Variants in PACRG observed in about 807,000 individuals in gnomAD.
PACRG encodes the protein parkin coregulated.
In PACRG, 29 loss-of-function variants were observed where a neutral mutation model predicts 29.7. The ratio of observed to expected loss-of-function variants is 0.98; its 90% CI spans 0.73 to 1.33. PACRG has a LOEUF of 1.33. Among genes scored for constraint, PACRG ranks in the 40% most tolerant of loss-of-function variants. PACRG has a pLI of 0.00. For missense variants in PACRG, 279 were observed against 316.2 expected, an observed-to-expected ratio of 0.88 and a Z score of 0.89; for synonymous variants, 116 against 118.7, an observed-to-expected ratio of 0.98 and a Z score of 0.15.
rs1280807150 is a variant in PACRG at position 163,000,473 on chromosome 6, C to T, written c.292-61677C>T. On this transcript the variant is annotated intron_variant, in intron 2 of 4. Coordinates refer to ENST00000366888, the MANE Select transcript of PACRG (RefSeq NM_001080379.2). Reference sequence around the variant, plus strand: ...CTGTGTGGTCCAAAGGGGTCCCTGTCGCTCCAAACAGAAGAGAGTGTGGTG... The same window carrying T: ...CTGTGTGGTCCAAAGGGGTCCCTGTTGCTCCAAACAGAAGAGAGTGTGGTG... Among the ~76,000 whole-genome samples, 6 of 152,212 alleles carry T rather than the reference C, an allele frequency of 3.9e-5. No homozygotes were observed. In the South Asian group the frequency reaches 8.3e-4, roughly 21 times the overall value.
chr6:162,771,807 T>C (rs1783243384), intron 1 of PACRG, among the ~76,000 whole-genome samples: 1 of 152,186 alleles, frequency 6.6e-6, no homozygotes, highest in Non-Finnish European at 1.5e-5. Flanking sequence ...TTCCATTTAT[T>C]ATTCTGTTAA....
intron 2 of PACRG, among the ~76,000 whole-genome samples, chr6:162,920,444 C>T (rs189844643): frequency 3.9e-5 from 6 of 152,352 alleles, no homozygotes; most frequent in Admixed American, 3.3e-4. Flanking sequence ...AGCACCTCCC[C>T]TCTTCCTCTG....
chr6:162,747,367 C>CGT (rs1781108587), intron 1 of PACRG, among the ~76,000 whole-genome samples: 2 of 47,860 alleles, frequency 4.2e-5, no homozygotes, highest in South Asian at 2.3e-3. Context: ...TATATATACA[C>CGT]ATACATATAT....
At chr6:162,791,192 T>C (rs956731481) in intron 1 of PACRG, among the ~76,000 whole-genome samples, 2 of 152,192 alleles carry the variant, frequency 1.3e-5, no homozygotes, top group Non-Finnish European at 2.9e-5. Flanking sequence ...CCCTATTACA[T>C]AGATACTTAA....
intron 1 of PACRG, among the ~76,000 whole-genome samples, chr6:162,801,443 A>T (rs1426776011): frequency 6.6e-6 from 1 of 152,000 alleles, no homozygotes; most frequent in African/African-American, 2.4e-5. Context: ...TACTGATAGC[A>T]TTGCATCTTT....
intron 4 of PACRG, among the ~76,000 whole-genome samples, chr6:163,141,742 A>G (rs1240193357): frequency 6.6e-6 from 1 of 152,164 alleles, no homozygotes; most frequent in Non-Finnish European, 1.5e-5. Flanking sequence ...AAATGACGTA[A>G]AAATCATGAT....
chr6:162,917,338 T>G (rs754104686), intron 2 of PACRG, among the ~76,000 whole-genome samples: 2 of 152,122 alleles, frequency 1.3e-5, no homozygotes, highest in Non-Finnish European at 2.9e-5. Flanking sequence ...CCATCCTTAG[T>G]GCATTTTGCC....
At position 162,736,454 on chromosome 6, in the gene PACRG, G is replaced by A. The variant is rs143923239; in HGVS notation, c.156+8063G>A. Among the ~76,000 whole-genome samples the A allele has an allele frequency of 3.3e-3, 507 of 152,228 alleles. 3 individuals carry two copies. Among genetic ancestry groups the A allele is most frequent in the African/African-American group, 0.011 (476 of 41,524 alleles). ...ATGGGAGCAAGATAGCTGCGTTTTT[G>A]TAGTTGGCAGGGAGAAAATGTGTAA... On this transcript the variant is annotated intron_variant, in intron 1 of 4. Transcript: ENST00000366888.
intron 4 of PACRG, among the ~76,000 whole-genome samples, chr6:163,163,314 C>G (rs1015854695): frequency 6.6e-6 from 1 of 152,200 alleles, no homozygotes; most frequent in African/African-American, 2.4e-5. Flanking sequence ...CTCTGTCACT[C>G]AGGCTGGAGT....
chr6:163,180,187 A>G (rs538316234), intron 4 of PACRG, among the ~76,000 whole-genome samples: 1 of 152,304 alleles, frequency 6.6e-6, no homozygotes, highest in South Asian at 2.1e-4. Context: ...GCTTTGTGCT[A>G]GAGATTCTGG....
intron 2 of PACRG, among the ~76,000 whole-genome samples, chr6:162,871,878 C>G (rs1792844836): frequency 6.6e-6 from 1 of 151,606 alleles, no homozygotes; most frequent in African/African-American, 2.4e-5. Flanking sequence ...AGATGTGCCA[C>G]TGCACTCCAG....
chr6:162,996,580 A>G (rs879808110), intron 2 of PACRG, among the ~76,000 whole-genome samples: 5 of 152,190 alleles, frequency 3.3e-5, no homozygotes, highest in Admixed American at 6.5e-5. Context: ...AATCCATTCA[A>G]TGGAATATTA....
intron 4 of PACRG, among the ~76,000 whole-genome samples, chr6:163,244,677 C>T (rs553986264): frequency 8.1e-4 from 124 of 152,310 alleles, no homozygotes; most frequent in Non-Finnish European, 1.1e-3. Context: ...AACATTGCTT[C>T]ATTTCTCAAT....
intron 2 of PACRG, among the ~76,000 whole-genome samples, chr6:162,962,095 G>A (rs1800668976): frequency 6.6e-6 from 1 of 152,120 alleles, no homozygotes; most frequent in Non-Finnish European, 1.5e-5. Context: ...CAGGTCAAGT[G>A]CCCCCTCTTC....
At chr6:163,190,471 G>A (rs1413539453) in intron 4 of PACRG, 1 of 152,356 alleles carries the variant, frequency 6.6e-6, no homozygotes, top group Non-Finnish European at 1.5e-5. Context: ...ATGCACGGAG[G>A]AAATTCTGAA....
intron 2 of PACRG, among the ~76,000 whole-genome samples, chr6:162,925,696 A>G (rs1193962986): frequency 6.6e-6 from 1 of 152,172 alleles, no homozygotes; most frequent in African/African-American, 2.4e-5. Flanking sequence ...ACTCACAGCC[A>G]ATGTCATACT....
chr6:163,085,657 C>T (rs769218541), intron 3 of PACRG, among the ~76,000 whole-genome samples: 5 of 152,206 alleles, frequency 3.3e-5, no homozygotes, highest in Non-Finnish European at 5.9e-5. Flanking sequence ...TAGTCCCTAG[C>T]GCGCTGCTTC....
intron 1 of PACRG, among the ~76,000 whole-genome samples, chr6:162,757,885 A>T (rs1312031897): frequency 6.6e-6 from 1 of 152,162 alleles, no homozygotes; most frequent in African/African-American, 2.4e-5. Flanking sequence ...TACAGAAATG[A>T]AAACAAGAAT....
intron 2 of PACRG, among the ~76,000 whole-genome samples, chr6:163,024,926 C>G (rs1384429445): frequency 6.6e-6 from 1 of 152,060 alleles, no homozygotes; most frequent in East Asian, 1.9e-4. Context: ...TCAACATATA[C>G]AAATCAATAA....
Sources: gnomAD v4.1 joint callset for allele counts (sites outside exome capture counted in the v4.1 genomes callset) on GRCh38, gnomAD v4.1.1 for gene constraint, MANE v1.5 for transcripts, NCBI Gene and HGNC (gene_info 2026-07-23, HGNC 2026-07-21) for gene names.